The following EXOC4 variants were observed in gnomAD, a reference collection of about 807,000 sequenced individuals.
The protein encoded by EXOC4 is SEC8-like 1.
EXOC4 carries 71 observed loss-of-function variants against 107.2 expected under a neutral mutation model. The ratio of observed to expected loss-of-function variants is 0.66; its 90% CI spans 0.55 to 0.81. EXOC4 has a LOEUF of 0.81. Among genes scored for constraint, EXOC4 ranks in the 30% least tolerant of loss-of-function variants. The pLI is 0.00. For missense variants in EXOC4, 1,108 were observed against 1,189.6 expected (o/e 0.93, Z 1.01); for synonymous variants, 456 against 441.2 (o/e 1.03, Z -0.42).
intron 11 of EXOC4, among the ~76,000 whole-genome samples, chr7:133,883,441 A>C (rs1484391945): frequency 6.7e-6 from 1 of 148,204 alleles, no homozygotes; most frequent in Admixed American, 6.8e-5. Context: ...CAGGAGTTTT[A>C]AGCAGGCTGG....
intron 10 of EXOC4, among the ~76,000 whole-genome samples, chr7:133,748,979 C>T (rs1795733989): frequency 6.6e-6 from 1 of 152,190 alleles, no homozygotes; most frequent in Non-Finnish European, 1.5e-5. Flanking sequence ...CTTAAGATAG[C>T]AGCCTCAGAC....
At chr7:133,523,908 G>A (rs1304543975) in intron 9 of EXOC4, among the ~76,000 whole-genome samples, 1 of 151,746 alleles carries the variant, frequency 6.6e-6, no homozygotes, top group East Asian at 1.9e-4. Flanking sequence ...AAACATACGT[G>A]TGCATGTGTC....
At chr7:134,064,103 A>G (rs1054598080) in intron 17 of EXOC4, among the ~76,000 whole-genome samples, 188 bp from the exon 18 acceptor site, 1 of 152,196 alleles carries the variant, frequency 6.6e-6, no homozygotes, top group Non-Finnish European at 1.5e-5. Flanking sequence ...GAGAGCTCCC[A>G]TGAGCTCCAA....
At chr7:134,037,189 G>A (rs906502605) in intron 17 of EXOC4, among the ~76,000 whole-genome samples, 2 of 152,236 alleles carry the variant, frequency 1.3e-5, no homozygotes, top group African/African-American at 4.8e-5. Flanking sequence ...GATAAAGACC[G>A]AAGGTACAAG....
the EXOC4 span, among the ~76,000 whole-genome samples, chr7:134,073,968 C>A: frequency 6.6e-6 from 1 of 152,218 alleles, no homozygotes; most frequent in Admixed American, 6.5e-5. Context: ...CAGGCAGAGT[C>A]TTTTCTAGTG....
intron 7 of EXOC4, among the ~76,000 whole-genome samples, chr7:133,463,454 A>G (rs1370986737): frequency 6.6e-6 from 1 of 152,188 alleles, no homozygotes; most frequent in Non-Finnish European, 1.5e-5. Context: ...CTTACAAGCA[A>G]TGGCAGTGTA....
chr7:133,569,161 TA>T (rs973429304), intron 9 of EXOC4, among the ~76,000 whole-genome samples: 4 of 145,948 alleles, frequency 2.7e-5, no homozygotes, highest in African/African-American at 1.0e-4. Context: ...GATTTTTTTT[TA>T]AAAGGCCAGA....
At chr7:133,658,462 C>T (rs1803354174) in intron 10 of EXOC4, among the ~76,000 whole-genome samples, 1 of 152,160 alleles carries the variant, frequency 6.6e-6, no homozygotes, top group African/African-American at 2.4e-5. Context: ...TGCCGAATAT[C>T]CTCTGTATGG....
At chr7:133,802,237 T>C (rs1180144053) in intron 10 of EXOC4, among the ~76,000 whole-genome samples, 1 of 152,218 alleles carries the variant, frequency 6.6e-6, no homozygotes, top group Non-Finnish European at 1.5e-5. Flanking sequence ...TTTTCTGAAC[T>C]GTAATTTCCT....
At chr7:133,872,509 C>G (rs984477337) in intron 11 of EXOC4, among the ~76,000 whole-genome samples, 7 of 151,990 alleles carry the variant, frequency 4.6e-5, no homozygotes, top group African/African-American at 1.7e-4. Flanking sequence ...TAATTTTACC[C>G]TCATTGCTAG....
chr7:133,756,501 A>G (rs1795920639), intron 10 of EXOC4, among the ~76,000 whole-genome samples: 1 of 152,350 alleles, frequency 6.6e-6, no homozygotes, highest in East Asian at 1.9e-4. Flanking sequence ...TGAATGTTAT[A>G]ATCCTCTCTA....
At chr7:133,963,420 A>G (rs1800991234) in intron 14 of EXOC4, among the ~76,000 whole-genome samples, 1 of 152,230 alleles carries the variant, frequency 6.6e-6, no homozygotes, top group African/African-American at 2.4e-5. Context: ...TGCAACACAC[A>G]CATTTTGAAC....
intron 11 of EXOC4, among the ~76,000 whole-genome samples, chr7:133,823,860 TATATATATATATTA>T (rs1271207578): frequency 5.4e-5 from 1 of 18,574 alleles, no homozygotes; most frequent in Non-Finnish European, 7.9e-5. Flanking sequence ...TATATATATA[TATATATATATATTA>T]TATATATATA....
chr7:133,825,120 TG>T (rs1487009014), intron 11 of EXOC4, among the ~76,000 whole-genome samples: 1 of 148,566 alleles, frequency 6.7e-6, no homozygotes, highest in Non-Finnish European at 1.5e-5. Context: ...GAGGCCAAGG[TG>T]GGGGTATTGC....
chr7:133,748,549 AT>A (rs1294161079), intron 10 of EXOC4, among the ~76,000 whole-genome samples: 2 of 152,278 alleles, frequency 1.3e-5, no homozygotes, highest in African/African-American at 2.4e-5. Flanking sequence ...TTAGCATGTA[AT>A]TTTATTTATG....
intron 1 of EXOC4, among the ~76,000 whole-genome samples, chr7:133,262,440 G>T (rs1237540046): frequency 6.6e-6 from 1 of 151,900 alleles, no homozygotes; most frequent in Non-Finnish European, 1.5e-5. Context: ...AGTAATAAGG[G>T]AAAATTCTTG....
rs111788083 is a variant in EXOC4 at position 133,652,874 on chromosome 7, C to T, written c.1514+22733C>T. Among the ~76,000 whole-genome samples, 1,074 of 152,294 alleles carry T rather than the reference C, an allele frequency of 7.1e-3. 3 individuals are homozygous for T. Among genetic ancestry groups the T allele is most frequent in the Middle Eastern group, 0.014 (4 of 294 alleles). On this transcript the variant is annotated intron_variant, in intron 10 of 17. Coordinates refer to ENST00000253861, the MANE Select transcript of EXOC4 (RefSeq NM_021807.4). ...CAATATCCTAAAAGTTTACAGACCA[C>T]GTGCTATATTAAAGTAGACCCCTTT... is the stretch of plus-strand genomic sequence containing the variant.
At position 133,819,796 on chromosome 7, in the gene EXOC4, A is replaced by G. The variant is rs149434689; in HGVS notation, c.1734+2252A>G. Among the ~76,000 whole-genome samples, 13 of 152,294 alleles carry G rather than the reference A, an allele frequency of 8.5e-5. No individual in the cohort carries two copies. In the East Asian group the frequency reaches 2.5e-3, roughly 29 times the overall value. ...CATTACAGAGTGAGTCTGTGAACCA[A>G]TAATACTGGCTTATTAAATGTGATA... is the stretch of plus-strand genomic sequence containing the variant. On this transcript the variant is annotated intron_variant, in intron 11 of 17. Transcript: ENST00000253861.
At chr7:133,331,472 T>C (rs1048152444) in intron 5 of EXOC4, among the ~76,000 whole-genome samples, 3 of 140,318 alleles carry the variant, frequency 2.1e-5, no homozygotes, top group Non-Finnish European at 3.1e-5. Context: ...TTTTTTTTTT[T>C]TTTTTTTTTT....
Sources: allele counts gnomAD v4.1 joint callset (sites outside exome capture counted in the v4.1 genomes callset), GRCh38; gene constraint gnomAD v4.1.1; transcripts MANE v1.5; gene names NCBI Gene and HGNC (gene_info 2026-07-23, HGNC 2026-07-21).